The following MLKL variants were observed in gnomAD, a reference collection of about 807,000 sequenced individuals.
The protein encoded by MLKL is mixed lineage kinase domain-like protein.
Under a neutral mutation model 56.5 loss-of-function variants are expected in MLKL, and 55 were observed. That is an observed-to-expected ratio of 0.97 (90% CI 0.78 to 1.22). The LOEUF (loss-of-function observed/expected upper bound fraction) is 1.22, where lower values mean the gene tolerates loss of function less well. Ranked by LOEUF, MLKL falls within the 50% of genes most tolerant of loss-of-function variation. The probability of loss-of-function intolerance (pLI) is 0.00; values close to 1 mark genes in which losing one functional copy is unlikely to be tolerated. For missense variants in MLKL, 694 were observed against 573.9 expected (o/e 1.21, Z -2.14); for synonymous variants, 251 against 208.3 (o/e 1.20, Z -1.76).
intron 2 of MLKL, among the ~76,000 whole-genome samples, chr16:74,695,033 C>T (rs544568031): frequency 6.6e-6 from 1 of 152,060 alleles, no homozygotes; most frequent in Non-Finnish European, 1.5e-5. Flanking sequence ...CCACCATGCC[C>T]GGCTAATTTT....
At chr16:74,672,695 A>G (rs1023839440) in intron 10 of MLKL, among the ~76,000 whole-genome samples, 157 bp from the exon 11 acceptor site, 2 of 152,232 alleles carry the variant, frequency 1.3e-5, no homozygotes, top group East Asian at 1.9e-4. Context: ...CATTTGGGAT[A>G]TAAAGTTCTC....
At position 74,695,458 on chromosome 16, in the gene MLKL, G is replaced by T. The variant is rs33987771; in HGVS notation, c.300C>A (p.Asp100Glu). Residue 100 changes from aspartate (D) to glutamate (E), a missense_variant, in exon 2 of 11, where the codon GAC (aspartate) becomes GAA (glutamate). Coordinates refer to ENST00000308807, the MANE Select transcript of MLKL (RefSeq NM_152649.4). ...AGACATCACTCAGCTTCCTGTTCAC[G>T]TCCTTGAAGAGTATTTTGTCCTGGC... ...TASQDKILFK[D>E]VNRKLSDVWK... 1 of 1,614,160 alleles carries T rather than the reference G, an allele frequency of 6.2e-7. No homozygotes were observed. The highest frequency in any genetic ancestry group is 1.1e-5 in the South Asian group (1 of 91,084).
intron 5 of MLKL, among the ~76,000 whole-genome samples, chr16:74,683,257 C>A (rs2144495508): frequency 6.8e-6 from 1 of 147,792 alleles, no homozygotes; most frequent in African/African-American, 2.5e-5. Context: ...TGCACCACTG[C>A]ACTCCAGCCT....
chr16:74,695,270 C>T (rs1415364613), intron 2 of MLKL, 28 bp downstream of exon 2: 2 of 1,604,450 alleles, frequency 1.2e-6, no homozygotes, highest in Admixed American at 1.7e-5. Flanking sequence ...CAACTGCACT[C>T]CCACTCCCCA....
intron 1 of MLKL, among the ~76,000 whole-genome samples, chr16:74,698,519 C>A (rs940128868): frequency 6.6e-6 from 1 of 152,208 alleles, no homozygotes; most frequent in Non-Finnish European, 1.5e-5. Context: ...GGATCTCAGA[C>A]TACCCAGCTA....
intron 1 of MLKL, among the ~76,000 whole-genome samples, chr16:74,698,996 C>A (rs1274971267): frequency 6.6e-6 from 1 of 152,006 alleles, no homozygotes; most frequent in Non-Finnish European, 1.5e-5. Flanking sequence ...GCCTGTAATC[C>A]CAGCTACTCG....
Position 74,678,886 on chromosome 16 carries a change from A to G in MLKL, c.1038+13T>C. 6.2e-7 allele frequency: 1 copy of G among 1,613,474 alleles called. No homozygotes were observed. The highest frequency in any genetic ancestry group is 8.5e-7 in the Non-Finnish European group (1 of 1,179,434). ...CAGGTTTGACCCAAAGCGCCCCCGC[A>G]AGGCACACTCACCTTCACTTGGTAG... On this transcript the variant is annotated intron_variant, in intron 7 of 10. Coordinates refer to ENST00000308807, the MANE Select transcript of MLKL (RefSeq NM_152649.4).
intron 3 of MLKL, among the ~76,000 whole-genome samples, 153 bp downstream of exon 3, chr16:74,692,189 A>G (rs1964482034): frequency 6.6e-6 from 1 of 152,222 alleles, no homozygotes; most frequent in African/African-American, 2.4e-5. Flanking sequence ...AGCCTGGGCT[A>G]GCCATGAATG....
In MLKL at chr16:74,696,791, C is replaced by T. The variant is rs188839220; in HGVS notation, c.-2-1032G>A. 2.6e-3 allele frequency among the ~76,000 whole-genome samples: 391 copies of T among 151,170 alleles called. 5 individuals carry two copies. Among genetic ancestry groups the T allele is most frequent in the African/African-American group, 9.1e-3 (374 of 41,310 alleles). On this transcript the variant is annotated intron_variant, in intron 1 of 10. Transcript: ENST00000308807. ...TGGCCAACATGGTGAAACCCCGTCT[C>T]TACTAAAAATACAAAAATTAGCTAG...
In MLKL at chr16:74,691,213, C is replaced by G. The variant is rs539783148; in HGVS notation, c.722+64G>C. On this transcript the variant is annotated intron_variant, in intron 4 of 10. Coordinates refer to ENST00000308807, the MANE Select transcript of MLKL (RefSeq NM_152649.4). ...TCATCTAAAAATGGAGACGATATCC[C>G]TCTCTCCTTGGAGAGTTAGAGTAAG... is the stretch of plus-strand genomic sequence containing the variant. 4.8e-6 allele frequency: 7 copies of G among 1,452,174 alleles called. No homozygotes were observed. The East Asian group carries it at 1.2e-4, about 24-fold the overall frequency. 90.0% of individuals were successfully genotyped at this position (1,452,174 alleles called of 1,614,324 possible).
chr16:74,677,123 G>C (rs571854052), intron 7 of MLKL: 1 of 152,178 alleles, frequency 6.6e-6, no homozygotes, highest in Non-Finnish European at 1.5e-5. Context: ...TGCAATCTCA[G>C]CTCACTGCAA....
At chr16:74,684,431 G>GA (rs66482612) in intron 5 of MLKL, among the ~76,000 whole-genome samples, 62,160 of 112,924 alleles carry the variant, frequency 0.55, 16,278 homozygotes, top group East Asian at 0.7. Flanking sequence ...GGGAAAAAAA[G>GA]AAAAAAAAAA....
chr16:74,686,488 C>G (rs1960336667), intron 4 of MLKL, among the ~76,000 whole-genome samples: 2 of 152,132 alleles, frequency 1.3e-5, no homozygotes, highest in African/African-American at 2.4e-5. Flanking sequence ...GAGGCTGAGG[C>G]AGGAGAACGG....
chr16:74,692,276 G>C (rs1387763014), intron 3 of MLKL, 66 bp downstream of exon 3: 15 of 1,399,956 alleles, frequency 1.1e-5, no homozygotes, highest in Non-Finnish European at 1.4e-5. Context: ...GGAGGCTGGG[G>C]TCCCAGTAAA....
At chr16:74,675,305 G>T (rs1215265883) in intron 9 of MLKL, 50 bp downstream of exon 9, 1 of 1,613,190 alleles carries the variant, frequency 6.2e-7, no homozygotes, top group Admixed American at 1.7e-5. Flanking sequence ...TGGTCTACTG[G>T]AAGGGGACCC....
intron 7 of MLKL, 40 bp downstream of exon 7, chr16:74,678,859 T>A: frequency 6.8e-7 from 1 of 1,469,212 alleles, no homozygotes; most frequent in Non-Finnish European, 9.5e-7. Context: ...GCACCAGTCA[T>A]GCAGGTTTGA....
At chr16:74,674,918 T>C (rs200348561) in intron 10 of MLKL, 42 bp downstream of exon 10, 1 of 1,583,964 alleles carries the variant, frequency 6.3e-7, no homozygotes, top group African/African-American at 1.4e-5. Context: ...AAGTGTGAAA[T>C]AATGATGGGG....
intron 1 of MLKL, among the ~76,000 whole-genome samples, chr16:74,699,877 G>A (rs955041739): frequency 3.3e-5 from 5 of 152,118 alleles, no homozygotes; most frequent in African/African-American, 1.2e-4. Flanking sequence ...TGAGTTCGGA[G>A]GCTGCAGTGA....
At chr16:74,678,737 C>G (rs1286366044) in intron 7 of MLKL, among the ~76,000 whole-genome samples, 162 bp downstream of exon 7, 1 of 152,134 alleles carries the variant, frequency 6.6e-6, no homozygotes, top group Non-Finnish European at 1.5e-5. Context: ...GGGGCGATCT[C>G]GCTCACTGCC....
Sources: allele counts gnomAD v4.1 joint callset (sites outside exome capture counted in the v4.1 genomes callset), GRCh38; gene constraint gnomAD v4.1.1; transcripts MANE v1.5; gene names NCBI Gene and HGNC (gene_info 2026-07-23, HGNC 2026-07-21).